Variants in GRM7 observed in about 807,000 individuals in gnomAD.
The protein encoded by GRM7 is metabotropic glutamate receptor 7.
In GRM7, 35 loss-of-function variants were observed where a neutral mutation model predicts 84.5. That is an observed-to-expected ratio of 0.41 (90% CI 0.32 to 0.55). The LOEUF (loss-of-function observed/expected upper bound fraction) is 0.55, where lower values mean the gene tolerates loss of function less well. Among genes scored for constraint, GRM7 ranks in the 20% least tolerant of loss-of-function variants. The pLI is 0.19. For synonymous variants in GRM7, 487 were observed against 455.1 expected, an observed-to-expected ratio of 1.07 and a Z score of -0.89; for missense variants, 1,003 against 1,194.6, an observed-to-expected ratio of 0.84 and a Z score of 2.36.
intron 1 of GRM7, among the ~76,000 whole-genome samples, chr3:7,011,589 A>T (rs73128588): frequency 6.6e-6 from 1 of 152,200 alleles, no homozygotes; most frequent in Non-Finnish European, 1.5e-5. Flanking sequence ...TTTTTCATTT[A>T]CATAGCTATC....
intron 4 of GRM7, among the ~76,000 whole-genome samples, chr3:7,326,770 G>T (rs900573923): frequency 1.3e-5 from 2 of 150,914 alleles, no homozygotes; most frequent in Middle Eastern, 3.4e-3. Context: ...GGAGGTGGAG[G>T]TTGCAGTGAG....
intron 1 of GRM7, among the ~76,000 whole-genome samples, chr3:7,021,849 A>G (rs535318197): frequency 1.3e-5 from 2 of 152,234 alleles, no homozygotes; most frequent in Admixed American, 1.3e-4. Context: ...TTCATATAAA[A>G]TAAGATTTAT....
chr3:6,959,909 G>A (rs2125080530), intron 1 of GRM7, among the ~76,000 whole-genome samples: 1 of 152,196 alleles, frequency 6.6e-6, no homozygotes, highest in East Asian at 1.9e-4. Context: ...GTTTCTCTCT[G>A]TCTCTTGGAC....
At chr3:6,911,013 G>A (rs1215027932) in intron 1 of GRM7, among the ~76,000 whole-genome samples, 2 of 151,920 alleles carry the variant, frequency 1.3e-5, no homozygotes, top group African/African-American at 4.8e-5. Context: ...TTTTTTCCTG[G>A]GCCCTGGTTG....
intron 5 of GRM7, among the ~76,000 whole-genome samples, chr3:7,443,443 G>A (rs577774642): frequency 6.6e-6 from 1 of 151,714 alleles, no homozygotes; most frequent in Non-Finnish European, 1.5e-5. Flanking sequence ...TTCACATCAG[G>A]ATCTAAATAC....
intron 2 of GRM7, among the ~76,000 whole-genome samples, chr3:7,207,251 T>C (rs2124835020): frequency 6.6e-6 from 1 of 152,168 alleles, no homozygotes; most frequent in Middle Eastern, 3.4e-3. Flanking sequence ...CCCGAGGAGT[T>C]TGGAAATATA....
At chr3:7,687,002 A>AAAATAAATC (rs1700613162) in intron 9 of GRM7, among the ~76,000 whole-genome samples, 1 of 152,198 alleles carries the variant, frequency 6.6e-6, no homozygotes, top group Non-Finnish European at 1.5e-5. Flanking sequence ...TTCTCTGCAG[A>AAAATAAATC]AAATAAATCG....
intron 4 of GRM7, among the ~76,000 whole-genome samples, chr3:7,388,795 G>T (rs575653101): frequency 6.6e-6 from 1 of 151,750 alleles, no homozygotes; most frequent in Non-Finnish European, 1.5e-5. Flanking sequence ...TTTTTTCTTT[G>T]TTAATCAGGC....
chr3:7,526,975 T>C (rs959940775), intron 7 of GRM7, among the ~76,000 whole-genome samples: 1 of 152,090 alleles, frequency 6.6e-6, no homozygotes, highest in Admixed American at 6.6e-5. Flanking sequence ...CATCTGGCTT[T>C]GTTCTTTTTA....
chr3:7,380,169 T>A (rs932609836), intron 4 of GRM7, among the ~76,000 whole-genome samples: 12 of 152,072 alleles, frequency 7.9e-5, no homozygotes, highest in Admixed American at 5.2e-4. Flanking sequence ...TCAGGAGAAA[T>A]AAAGAATTGT....
chr3:7,185,456 C>A (rs1416442478), intron 2 of GRM7, among the ~76,000 whole-genome samples: 1 of 152,070 alleles, frequency 6.6e-6, no homozygotes, highest in East Asian at 1.9e-4. Flanking sequence ...ACCATTTTGG[C>A]CAGGTTTTCT....
intron 2 of GRM7, among the ~76,000 whole-genome samples, chr3:7,195,127 A>G (rs1037127742): frequency 6.6e-6 from 1 of 152,194 alleles, no homozygotes; most frequent in Non-Finnish European, 1.5e-5. Flanking sequence ...ACCAAAATAT[A>G]CATGATGATG....
At chr3:7,701,838 C>T (rs888755978) in intron 9 of GRM7, among the ~76,000 whole-genome samples, 2 of 152,180 alleles carry the variant, frequency 1.3e-5, no homozygotes, top group African/African-American at 2.4e-5. Flanking sequence ...TTCAATTAGA[C>T]ATTTTTAGAC....
chr3:7,478,716 A>ATGGG (rs1198586307), intron 7 of GRM7, among the ~76,000 whole-genome samples: 55 of 152,140 alleles, frequency 3.6e-4, no homozygotes, highest in African/African-American at 1.3e-3. Context: ...CTGGAGAGGG[A>ATGGG]TGAGTAGTCC....
intron 8 of GRM7, among the ~76,000 whole-genome samples, chr3:7,645,949 G>A (rs1034077301): frequency 6.6e-6 from 1 of 152,178 alleles, no homozygotes; most frequent in African/African-American, 2.4e-5. Flanking sequence ...CTGTTTGGTT[G>A]TTTTAATCAG....
intron 7 of GRM7, among the ~76,000 whole-genome samples, chr3:7,534,887 G>A (rs886087648): frequency 5.5e-4 from 83 of 152,150 alleles, no homozygotes; most frequent in Admixed American, 6.5e-4. Flanking sequence ...CTTATATAAT[G>A]GGAACATCAT....
intron 1 of GRM7, among the ~76,000 whole-genome samples, chr3:6,901,131 G>T (rs115605910): frequency 0.011 from 1,719 of 152,200 alleles, 25 homozygotes; most frequent in African/African-American, 0.039. Context: ...TTAGCCAGGG[G>T]TGACAATGTA....
chr3:7,069,432 G>A (rs773926201), intron 1 of GRM7, among the ~76,000 whole-genome samples: 80 of 152,030 alleles, frequency 5.3e-4, no homozygotes, highest in Non-Finnish European at 1.1e-3. Context: ...TCTTAATATT[G>A]CCTCCCATGG....
chr3:7,118,207 G>A (rs1693103869), intron 1 of GRM7, among the ~76,000 whole-genome samples: 1 of 151,922 alleles, frequency 6.6e-6, no homozygotes, highest in Non-Finnish European at 1.5e-5. Context: ...GTATCATAGT[G>A]AGACCCTGTC....
Sources: allele counts gnomAD v4.1 joint callset (sites outside exome capture counted in the v4.1 genomes callset), GRCh38; gene constraint gnomAD v4.1.1; transcripts MANE v1.5; gene names NCBI Gene and HGNC (gene_info 2026-07-23, HGNC 2026-07-21).